PTPRC: variants seen among roughly 807,000 people sequenced by gnomAD.
PTPRC encodes the protein protein tyrosine phosphatase receptor type C.
A neutral mutation model predicts 155.9 loss-of-function variants in PTPRC; 44 were observed. The ratio of observed to expected loss-of-function variants is 0.28; its 90% CI spans 0.22 to 0.36. The LOEUF is 0.36. Among genes scored for constraint, PTPRC ranks in the 10% least tolerant of loss-of-function variants. The probability of loss-of-function intolerance (pLI) is 1.00; values close to 1 mark genes in which losing one functional copy is unlikely to be tolerated. For missense variants in PTPRC, 1,401 were observed against 1,564.6 expected, an observed-to-expected ratio of 0.90 and a Z score of 1.76; for synonymous variants, 525 against 533.1, an observed-to-expected ratio of 0.98 and a Z score of 0.21.
chr1:198,659,949 T>C (rs1370336244), intron 2 of PTPRC, among the ~76,000 whole-genome samples: 4 of 150,130 alleles, frequency 2.7e-5, no homozygotes, highest in Non-Finnish European at 4.4e-5. Context: ...GAAATCATTG[T>C]CCACGTATAT....
At chr1:198,656,983 G>T (rs1663619036) in intron 2 of PTPRC, among the ~76,000 whole-genome samples, 1 of 150,712 alleles carries the variant, frequency 6.6e-6, no homozygotes, top group South Asian at 2.1e-4. Context: ...TGTGTTAATA[G>T]AACATTCTAA....
intron 15 of PTPRC, among the ~76,000 whole-genome samples, chr1:198,725,480 A>G (rs137931134): frequency 6.6e-6 from 1 of 152,146 alleles, no homozygotes; most frequent in Admixed American, 6.6e-5. Flanking sequence ...GAATTACCCT[A>G]CTCCTTGTTG....
intron 8 of PTPRC, 131 bp from the exon 9 acceptor site, chr1:198,706,603 C>T (rs1161302569): frequency 1.7e-5 from 15 of 901,812 alleles, no homozygotes; most frequent in Non-Finnish European, 2.4e-5. Context: ...GATATGGAGG[C>T]ACCTAATGTG....
At chr1:198,679,743 T>G (rs1279169061) in intron 2 of PTPRC, 1 of 416,976 alleles carries the variant, frequency 2.4e-6, no homozygotes, top group East Asian at 3.6e-5. Flanking sequence ...TGGAGATGAC[T>G]GGGCCACTGC....
intron 7 of PTPRC, among the ~76,000 whole-genome samples, chr1:198,704,262 A>C (rs1385214359): frequency 6.6e-6 from 1 of 152,178 alleles, no homozygotes. Flanking sequence ...GGGTATATTT[A>C]TGAAAAATTT....
chr1:198,686,410 A>C (rs1018464388), intron 2 of PTPRC, among the ~76,000 whole-genome samples: 1 of 152,196 alleles, frequency 6.6e-6, no homozygotes, highest in Non-Finnish European at 1.5e-5. Flanking sequence ...AGAAAATTTC[A>C]TCCCTAGAAG....
At chr1:198,752,472 T>C in intron 30 of PTPRC, 101 bp downstream of exon 30, 1 of 1,533,704 alleles carries the variant, frequency 6.5e-7, no homozygotes. Context: ...ATATAAATAA[T>C]GTTTCAGAAT....
chr1:198,718,444 A>G, intron 14 of PTPRC, 142 bp downstream of exon 14: 1 of 755,240 alleles, frequency 1.3e-6, no homozygotes, highest in East Asian at 2.7e-5. Flanking sequence ...AAGAGTCTCA[A>G]ATATTTGACT....
At chr1:198,672,069 C>A (rs1362023700) in intron 2 of PTPRC, among the ~76,000 whole-genome samples, 1 of 152,120 alleles carries the variant, frequency 6.6e-6, no homozygotes, top group African/African-American at 2.4e-5. Flanking sequence ...TGCTTTTTTC[C>A]TGTAACCTAA....
At chr1:198,648,554 A>G (rs1183260865) in intron 2 of PTPRC, among the ~76,000 whole-genome samples, 4 of 151,774 alleles carry the variant, frequency 2.6e-5, no homozygotes, top group Admixed American at 6.6e-5. Flanking sequence ...GGAGCTGGTA[A>G]TTTCTCAGAG....
chr1:198,705,114 G>C (rs1233272691), intron 8 of PTPRC, among the ~76,000 whole-genome samples: 2 of 151,766 alleles, frequency 1.3e-5, no homozygotes, highest in Non-Finnish European at 2.9e-5. Context: ...AAAACAGTTT[G>C]TCTCTCTTTT....
chr1:198,742,419 T>A, intron 25 of PTPRC, 52 bp downstream of exon 25: 1 of 1,595,416 alleles, frequency 6.3e-7, no homozygotes, highest in Non-Finnish European at 8.6e-7. Context: ...TGGACTTAAA[T>A]CTTTTCCAAG....
At chr1:198,682,874 CT>C (rs1178526984) in intron 2 of PTPRC, among the ~76,000 whole-genome samples, 3 of 152,136 alleles carry the variant, frequency 2.0e-5, no homozygotes, top group African/African-American at 7.2e-5. Flanking sequence ...GCAATTTACA[CT>C]TTTTAACAAT....
At chr1:198,680,049 C>G in intron 2 of PTPRC, 1 of 506,806 alleles carries the variant, frequency 2.0e-6, no homozygotes. Context: ...CATGGCTGTG[C>G]AAGAACGCAG....
At chr1:198,700,067 A>G in intron 5 of PTPRC, 2 of 318,118 alleles carry the variant, frequency 6.3e-6, no homozygotes, top group East Asian at 8.1e-5. Flanking sequence ...AACAAACAAA[A>G]GGGTGAAGAG....
intron 2 of PTPRC, among the ~76,000 whole-genome samples, chr1:198,682,763 A>C (rs913264768): frequency 6.6e-6 from 1 of 152,208 alleles, no homozygotes; most frequent in Non-Finnish European, 1.5e-5. Flanking sequence ...ACTGAAGGAC[A>C]GACAAGTTCA....
intron 4 of PTPRC, 67 bp from the exon 5 acceptor site, chr1:198,699,497 C>A (rs989268093): frequency 1.3e-6 from 2 of 1,579,760 alleles, no homozygotes; most frequent in Non-Finnish European, 1.7e-6. Context: ...CTCCTTATAA[C>A]CTCTTAGTAA....
intron 20 of PTPRC, 86 bp downstream of exon 20, chr1:198,732,642 A>G: frequency 8.9e-7 from 1 of 1,117,328 alleles, no homozygotes; most frequent in Non-Finnish European, 1.3e-6. Flanking sequence ...AATATTATTA[A>G]AAATATTTTG....
chr1:198,680,321 C>T (rs567379973), intron 2 of PTPRC, among the ~76,000 whole-genome samples: 3 of 152,024 alleles, frequency 2.0e-5, no homozygotes, highest in East Asian at 1.9e-4. Context: ...GGTGTAGTGG[C>T]GCATGTTTGT....
Sources: allele counts gnomAD v4.1 joint callset (sites outside exome capture counted in the v4.1 genomes callset), GRCh38; gene constraint gnomAD v4.1.1; transcripts MANE v1.5; gene names NCBI Gene and HGNC (gene_info 2026-07-23, HGNC 2026-07-21).